The following FILIP1 variants were observed in gnomAD, a reference collection of about 807,000 sequenced individuals.
The protein encoded by FILIP1 is filamin-A-interacting protein 1.
FILIP1 carries 61 observed loss-of-function variants against 102.1 expected under a neutral mutation model. The observed-to-expected ratio is 0.60, with a 90% confidence interval of 0.49 to 0.74. The LOEUF (loss-of-function observed/expected upper bound fraction) is 0.74, where lower values mean the gene tolerates loss of function less well. Ranked by LOEUF, FILIP1 falls within the 30% of genes least tolerant of loss-of-function variation. FILIP1 has a pLI of 0.00. For synonymous variants in FILIP1, 491 were observed against 526.9 expected (o/e 0.93, Z 0.93); for missense variants, 1,314 against 1,441.2 (o/e 0.91, Z 1.43).
At chr6:75,470,231 TAAAA>T (rs960816013) in intron 1 of FILIP1, among the ~76,000 whole-genome samples, 1 of 152,070 alleles carries the variant, frequency 6.6e-6, no homozygotes, top group South Asian at 2.1e-4. Flanking sequence ...AAAAACAACA[TAAAA>T]AAATCAACGA....
At chr6:75,406,131 G>C (rs1280348231) in intron 2 of FILIP1, among the ~76,000 whole-genome samples, 1 of 152,068 alleles carries the variant, frequency 6.6e-6, no homozygotes, top group Admixed American at 6.6e-5. Context: ...CTCTCTTCTT[G>C]ATACACTTTC....
intron 2 of FILIP1, among the ~76,000 whole-genome samples, chr6:75,394,576 CATTA>C (rs1165403422): frequency 6.6e-6 from 1 of 152,086 alleles, no homozygotes; most frequent in Non-Finnish European, 1.5e-5. Context: ...AAAAAGCTCT[CATTA>C]ATCAATAAAA....
At chr6:75,410,800 G>A (rs1366861155) in intron 2 of FILIP1, among the ~76,000 whole-genome samples, 1 of 152,124 alleles carries the variant, frequency 6.6e-6, no homozygotes, top group Non-Finnish European at 1.5e-5. Context: ...GTCTAACATT[G>A]ATGGCATTTG....
At chr6:75,315,802 T>A (rs1773425260) in intron 4 of FILIP1, among the ~76,000 whole-genome samples, 1 of 152,216 alleles carries the variant, frequency 6.6e-6, no homozygotes, top group African/African-American at 2.4e-5. Flanking sequence ...CACCTCTGCA[T>A]CATATGATTT....
chr6:75,442,028 C>T (rs990118795), intron 1 of FILIP1, among the ~76,000 whole-genome samples: 1 of 151,828 alleles, frequency 6.6e-6, no homozygotes, highest in Non-Finnish European at 1.5e-5. Context: ...GGGCTCCTCA[C>T]TTCTGGGACG....
At chr6:75,377,609 A>C (rs1270129970) in intron 2 of FILIP1, among the ~76,000 whole-genome samples, 1 of 152,212 alleles carries the variant, frequency 6.6e-6, no homozygotes, top group Non-Finnish European at 1.5e-5. Flanking sequence ...GACTGAGAGC[A>C]CTGAAGGCAG....
chr6:75,374,429 A>T (rs1775681744), intron 2 of FILIP1, among the ~76,000 whole-genome samples: 1 of 152,092 alleles, frequency 6.6e-6, no homozygotes, highest in Non-Finnish European at 1.5e-5. Context: ...CCCAGGCTGG[A>T]GTACAGTGGT....
chr6:75,375,045 G>C (rs1368281090), intron 2 of FILIP1, among the ~76,000 whole-genome samples: 1 of 152,196 alleles, frequency 6.6e-6, no homozygotes, highest in Non-Finnish European at 1.5e-5. Context: ...CCCCAGGGAG[G>C]AAGGGCACCA....
At chr6:75,426,239 G>C (rs539074603) in intron 1 of FILIP1, among the ~76,000 whole-genome samples, 20 of 151,814 alleles carry the variant, frequency 1.3e-4, no homozygotes, top group Non-Finnish European at 2.1e-4. Flanking sequence ...GAAAATGACT[G>C]AAAATAAGAG....
chr6:75,299,746 C>A (rs1582303457), intron 6 of FILIP1, among the ~76,000 whole-genome samples: 1 of 152,056 alleles, frequency 6.6e-6, no homozygotes, highest in Non-Finnish European at 1.5e-5. Flanking sequence ...TTTATGAAGT[C>A]TTTTAGTACA....
chr6:75,397,585 C>T (rs200481909), intron 2 of FILIP1, among the ~76,000 whole-genome samples: 27 of 30,000 alleles, frequency 9.0e-4, no homozygotes, highest in African/African-American at 1.5e-3. Flanking sequence ...CACACGTATA[C>T]ATATATATAT....
chr6:75,461,086 T>A (rs1562633112), intron 1 of FILIP1, among the ~76,000 whole-genome samples: 1 of 152,160 alleles, frequency 6.6e-6, no homozygotes, highest in Non-Finnish European at 1.5e-5. Flanking sequence ...TTGAAGGAAA[T>A]CAAGTTCCTC....
rs759690675 is a variant in FILIP1 at position 75,315,216 on chromosome 6, TA to T, written c.630-15del. The T allele has an allele frequency of 1.3e-6, 2 of 1,490,440 alleles. No individual in the cohort carries two copies. The highest frequency in any genetic ancestry group is 4.9e-5 in the Admixed American group (2 of 41,198). The allele number at this position is 1,490,440 out of a possible 1,614,324, so 92.3% of individuals were successfully genotyped here. A position where few individuals can be genotyped will look rare whatever the true frequency, so the allele number is the denominator to read the frequency against. On this transcript the variant is annotated splice_polypyrimidine_tract_variant and intron_variant, in intron 4 of 5. Transcript: ENST00000237172. ...AGCTTTTTTAACCTAGAAAATAAAA[TA>T]TACCTATATGTTAAAAGAGTAATCA...
chr6:75,349,222 G>T (rs1582380320), intron 4 of FILIP1, among the ~76,000 whole-genome samples: 1 of 152,200 alleles, frequency 6.6e-6, no homozygotes, highest in East Asian at 1.9e-4. Context: ...GATCCTGTGA[G>T]CCTGGGTTCC....
chr6:75,296,237 A>G (rs576554414), intron 6 of FILIP1, among the ~76,000 whole-genome samples: 1 of 152,146 alleles, frequency 6.6e-6, no homozygotes, highest in Non-Finnish European at 1.5e-5. Context: ...AGTAATTACT[A>G]TATACAAACC....
At chr6:75,392,937 G>A (rs1389001058) in intron 2 of FILIP1, among the ~76,000 whole-genome samples, 2 of 152,170 alleles carry the variant, frequency 1.3e-5, no homozygotes, top group Non-Finnish European at 2.9e-5. Flanking sequence ...CTCCAGCCAC[G>A]TGGAACTATG....
intron 4 of FILIP1, among the ~76,000 whole-genome samples, chr6:75,332,471 TC>T (rs1271634671): frequency 1.3e-5 from 2 of 152,192 alleles, no homozygotes; most frequent in Non-Finnish European, 2.9e-5. Context: ...CCTTGGGCTC[TC>T]CCTTCCAGGT....
intron 1 of FILIP1, among the ~76,000 whole-genome samples, chr6:75,452,114 T>TG (rs1778651702): frequency 6.6e-6 from 1 of 151,534 alleles, no homozygotes. Flanking sequence ...TTTTTTTTTT[T>TG]AGTTATTATT....
intron 3 of FILIP1, among the ~76,000 whole-genome samples, chr6:75,357,911 T>C (rs894369093): frequency 2.0e-5 from 3 of 152,230 alleles, no homozygotes; most frequent in African/African-American, 7.2e-5. Context: ...AGATACTATA[T>C]GTACATGGCT....
Sources: gnomAD v4.1 joint callset for allele counts (sites outside exome capture counted in the v4.1 genomes callset) on GRCh38, gnomAD v4.1.1 for gene constraint, MANE v1.5 for transcripts, NCBI Gene and HGNC (gene_info 2026-07-23, HGNC 2026-07-21) for gene names.